RASSF3: variants seen among roughly 807,000 people sequenced by gnomAD.
RASSF3 encodes Ras association domain family member 3, also known as ras association domain-containing protein 3.
In RASSF3, 19 loss-of-function variants were observed where a neutral mutation model predicts 19.9. The observed-to-expected ratio is 0.96, with a 90% CI of 0.67 to 1.40. The LOEUF (loss-of-function observed/expected upper bound fraction) is 1.40. Ranked by LOEUF, RASSF3 falls within the 40% of genes most tolerant of loss-of-function variation. The probability of loss-of-function intolerance (pLI) is 0.00; values close to 1 mark genes in which losing one functional copy is unlikely to be tolerated. For synonymous variants in RASSF3, 110 were observed against 104.2 expected (o/e 1.06, Z -0.34); for missense variants, 306 against 289.8 (o/e 1.06, Z -0.41).
intron 1 of RASSF3, among the ~76,000 whole-genome samples, chr12:64,645,992 T>C (rs1267895290): frequency 6.6e-6 from 1 of 152,242 alleles, no homozygotes; most frequent in Admixed American, 6.5e-5. Flanking sequence ...TCATGCAGTA[T>C]GCACTCTTGC....
Position 64,688,457 on chromosome 12 carries a change from C to T in RASSF3, c.457+4C>T, listed in dbSNP as rs1198980650. ...CGTTGTCACAGGGAAGACCAAGGTA[C>T]GCTGCCAGCTTAAAAGGAAAATGGT... On this transcript the variant is annotated splice_donor_region_variant and intron_variant, in intron 3 of 4. Coordinates refer to ENST00000542104, the MANE Select transcript of RASSF3 (RefSeq NM_178169.4). The T allele has an allele frequency of 3.8e-6, 6 of 1,597,544 alleles. No individual in the cohort carries two copies. Among genetic ancestry groups the T allele is most frequent in the African/African-American group, 1.3e-5 (1 of 74,692 alleles).
upstream of RASSF3, among the ~76,000 whole-genome samples, chr12:64,531,585 G>C (rs1374462882): frequency 6.6e-6 from 1 of 151,938 alleles, no homozygotes; most frequent in East Asian, 1.9e-4. Context: ...TAAAAATCTT[G>C]GGAACTTTGA....
At chr12:64,635,462 C>G (rs1018237626) in intron 1 of RASSF3, among the ~76,000 whole-genome samples, 1 of 152,174 alleles carries the variant, frequency 6.6e-6, no homozygotes, top group Non-Finnish European at 1.5e-5. Flanking sequence ...TTAATGACCA[C>G]TGTCAATGTC....
intron 2 of RASSF3, among the ~76,000 whole-genome samples, chr12:64,566,825 C>T (rs536332676): frequency 6.6e-6 from 1 of 152,336 alleles, no homozygotes; most frequent in East Asian, 1.9e-4. Context: ...CTGTCCCTGT[C>T]TCCCCTGAGG....
chr12:64,516,546 G>A (rs1213565925), intron 1 of RASSF3, among the ~76,000 whole-genome samples: 1 of 149,572 alleles, frequency 6.7e-6, no homozygotes, highest in Non-Finnish European at 1.5e-5. Context: ...GTGAACCCGG[G>A]AGGCGGAGCT....
chr12:64,607,067 C>G (rs1870206608), upstream of RASSF3, among the ~76,000 whole-genome samples: 1 of 151,434 alleles, frequency 6.6e-6, no homozygotes, highest in Non-Finnish European at 1.5e-5. Context: ...TCACTTGAGC[C>G]TAAGAGTTCA....
intron 1 of RASSF3, among the ~76,000 whole-genome samples, chr12:64,673,583 G>A (rs539529551): frequency 6.6e-6 from 1 of 152,202 alleles, no homozygotes; most frequent in Non-Finnish European, 1.5e-5. Context: ...AGAGATCTCC[G>A]AGAGGACGGC....
chr12:64,534,449 C>T (rs1388114715), intron 1 of RASSF3, among the ~76,000 whole-genome samples: 4 of 152,056 alleles, frequency 2.6e-5, no homozygotes, highest in South Asian at 2.1e-4. Flanking sequence ...GAGCTATGAT[C>T]GTGCCACTGC....
chr12:64,663,047 A>T (rs565240924), intron 1 of RASSF3, among the ~76,000 whole-genome samples: 1 of 152,312 alleles, frequency 6.6e-6, no homozygotes, highest in East Asian at 1.9e-4. Flanking sequence ...TTAAATAGAA[A>T]CTAGAAGGGC....
At chr12:64,673,298 C>G (rs1261762933) in intron 1 of RASSF3, among the ~76,000 whole-genome samples, 1 of 152,118 alleles carries the variant, frequency 6.6e-6, no homozygotes, top group Non-Finnish European at 1.5e-5. Context: ...GCTTGTGTCA[C>G]CACTCGGAAT....
At chr12:64,556,411 G>A (rs1869257169) in intron 2 of RASSF3, among the ~76,000 whole-genome samples, 1 of 152,118 alleles carries the variant, frequency 6.6e-6, no homozygotes, top group Non-Finnish European at 1.5e-5. Flanking sequence ...TCCCACCTTG[G>A]CCTCTCAAAG....
intron 1 of RASSF3, among the ~76,000 whole-genome samples, chr12:64,536,123 C>T (rs977839043): frequency 2.0e-5 from 3 of 151,688 alleles, no homozygotes; most frequent in Middle Eastern, 3.2e-3. Context: ...CTCAGCTACC[C>T]GAGTAGCTGG....
intron 1 of RASSF3, among the ~76,000 whole-genome samples, chr12:64,655,356 A>G (rs1165378587): frequency 6.6e-6 from 1 of 152,228 alleles, no homozygotes; most frequent in East Asian, 1.9e-4. Context: ...GATAAGAGAG[A>G]GGCAGGAATC....
upstream of RASSF3, among the ~76,000 whole-genome samples, chr12:64,608,478 A>G (rs1191725749): frequency 6.6e-6 from 1 of 151,918 alleles, no homozygotes; most frequent in Non-Finnish European, 1.5e-5. Flanking sequence ...ACGCCCAACT[A>G]ATTTTTGTAG....
At chr12:64,599,882 A>G (rs1450061156) in intron 2 of RASSF3, among the ~76,000 whole-genome samples, 1 of 152,006 alleles carries the variant, frequency 6.6e-6, no homozygotes, top group African/African-American at 2.4e-5. Context: ...AATACAAAAA[A>G]TTAGCCGGGC....
At chr12:64,581,303 A>G (rs964269775) in intron 2 of RASSF3, among the ~76,000 whole-genome samples, 1 of 152,202 alleles carries the variant, frequency 6.6e-6, no homozygotes, top group African/African-American at 2.4e-5. Context: ...TCAGAGAAGA[A>G]TTTATTAGAA....
At chr12:64,644,690 C>T (rs1042474109) in intron 1 of RASSF3, among the ~76,000 whole-genome samples, 11 of 75,184 alleles carry the variant, frequency 1.5e-4, no homozygotes, top group Non-Finnish European at 3.1e-4. Context: ...GAGACCCTGT[C>T]TCCAACCAAA....
At chr12:64,524,218 TTTTA>T (rs59842662) in intron 1 of RASSF3, among the ~76,000 whole-genome samples, 65,451 of 137,554 alleles carry the variant, frequency 0.48, 15,915 homozygotes, top group East Asian at 0.54. Context: ...TGCCCGGCAA[TTTTA>T]TTTATTTATT....
chr12:64,564,746 G>C (rs1030389316), intron 2 of RASSF3, among the ~76,000 whole-genome samples: 1 of 150,702 alleles, frequency 6.6e-6, no homozygotes, highest in Non-Finnish European at 1.5e-5. Context: ...AGAAAACAAT[G>C]TAGTTATAGC....
Sources: gnomAD v4.1 joint callset for allele counts (sites outside exome capture counted in the v4.1 genomes callset) on GRCh38, gnomAD v4.1.1 for gene constraint, MANE v1.5 for transcripts, NCBI Gene and HGNC (gene_info 2026-07-23, HGNC 2026-07-21) for gene names.